Variants in GRIK4 observed in about 807,000 individuals in gnomAD.
The protein encoded by GRIK4 is glutamate ionotropic receptor kainate type subunit 4.
Under a neutral mutation model 104.9 loss-of-function variants are expected in GRIK4, and 40 were observed. The observed-to-expected ratio is 0.38, with a 90% CI of 0.30 to 0.50. The LOEUF (loss-of-function observed/expected upper bound fraction) is 0.50, where lower values mean the gene tolerates loss of function less well. Ranked by LOEUF, GRIK4 falls within the 20% of genes least tolerant of loss-of-function variation. The probability of loss-of-function intolerance (pLI) is 0.93; values close to 1 mark genes in which losing one functional copy is unlikely to be tolerated. For missense variants in GRIK4, 1,047 were observed against 1,308.1 expected (o/e 0.80, Z 3.08); for synonymous variants, 485 against 524.9 (o/e 0.92, Z 1.04).
chr11:120,853,295 A>G (rs1000595015), intron 8 of GRIK4, among the ~76,000 whole-genome samples: 11 of 152,198 alleles, frequency 7.2e-5, no homozygotes, highest in Non-Finnish European at 1.0e-4. Context: ...TGTATTCAGT[A>G]AAGGAGTATT....
intron 1 of GRIK4, among the ~76,000 whole-genome samples, chr11:120,531,185 G>A (rs1288115128): frequency 1.3e-5 from 2 of 152,154 alleles, no homozygotes; most frequent in African/African-American, 2.4e-5. Context: ...AAATGTGGGT[G>A]GATTTGCGAT....
chr11:120,564,704 G>A (rs1368997592), intron 1 of GRIK4: 1 of 152,290 alleles, frequency 6.6e-6, no homozygotes, highest in Non-Finnish European at 1.5e-5. Flanking sequence ...CACCCTAAAG[G>A]GCACGGCCGC....
At chr11:120,900,361 T>C (rs1352754455) in intron 12 of GRIK4, among the ~76,000 whole-genome samples, 1 of 152,144 alleles carries the variant, frequency 6.6e-6, no homozygotes, top group East Asian at 1.9e-4. Context: ...TGTGAGGAGA[T>C]GGGGTCACTG....
chr11:120,720,216 C>A (rs1331984741), intron 3 of GRIK4, among the ~76,000 whole-genome samples: 1 of 152,082 alleles, frequency 6.6e-6, no homozygotes, highest in Non-Finnish European at 1.5e-5. Context: ...TTGGCATGAC[C>A]ATTAGAACAA....
At chr11:120,899,746 C>T (rs1166477186) in intron 12 of GRIK4, among the ~76,000 whole-genome samples, 1 of 152,218 alleles carries the variant, frequency 6.6e-6, no homozygotes. Context: ...TTCCTCCCCT[C>T]CCCCTTTTAA....
chr11:120,717,739 T>C (rs1349731276), intron 3 of GRIK4, among the ~76,000 whole-genome samples: 6 of 152,122 alleles, frequency 3.9e-5, no homozygotes, highest in African/African-American at 1.2e-4. Context: ...GGGGAAAGCC[T>C]GCTGGGGGTG....
intron 4 of GRIK4, among the ~76,000 whole-genome samples, chr11:120,805,390 T>C (rs1952692376): frequency 6.6e-6 from 1 of 152,200 alleles, no homozygotes; most frequent in Admixed American, 6.5e-5. Flanking sequence ...GATGTAAATT[T>C]CCTCTTTTAG....
chr11:120,972,320 T>C (rs952451871), intron 19 of GRIK4, among the ~76,000 whole-genome samples: 1 of 152,222 alleles, frequency 6.6e-6, no homozygotes, highest in East Asian at 1.9e-4. Flanking sequence ...GCGGCATTCA[T>C]GGTCCCAGGG....
intron 3 of GRIK4, among the ~76,000 whole-genome samples, chr11:120,760,652 G>A (rs913822730): frequency 6.6e-6 from 1 of 151,804 alleles, no homozygotes; most frequent in African/African-American, 2.4e-5. Flanking sequence ...TGTGCCCAAC[G>A]TTCTCATTGT....
At chr11:120,740,262 G>A (rs765796071) in intron 3 of GRIK4, among the ~76,000 whole-genome samples, 3 of 152,210 alleles carry the variant, frequency 2.0e-5, no homozygotes, top group Non-Finnish European at 4.4e-5. Flanking sequence ...TTGTAGTTAG[G>A]CTGCTGGGAA....
chr11:120,655,608 A>G (rs957160611), intron 2 of GRIK4, among the ~76,000 whole-genome samples: 11 of 152,208 alleles, frequency 7.2e-5, no homozygotes, highest in Non-Finnish European at 1.0e-4. Flanking sequence ...TGGGGGCCCA[A>G]TGAAGATGGT....
At chr11:120,723,635 C>T (rs1179074743) in intron 3 of GRIK4, among the ~76,000 whole-genome samples, 1 of 152,112 alleles carries the variant, frequency 6.6e-6, no homozygotes, top group Non-Finnish European at 1.5e-5. Flanking sequence ...TTGATTTGCC[C>T]ACATGAAGTC....
chr11:120,839,588 G>T (rs1953664996), intron 8 of GRIK4, among the ~76,000 whole-genome samples: 1 of 152,168 alleles, frequency 6.6e-6, no homozygotes, highest in Non-Finnish European at 1.5e-5. Flanking sequence ...TGCTTATTTT[G>T]CTCCCCAGCC....
intron 1 of GRIK4, among the ~76,000 whole-genome samples, chr11:120,634,863 C>T (rs985421724): frequency 6.6e-6 from 1 of 152,168 alleles, no homozygotes; most frequent in Non-Finnish European, 1.5e-5. Context: ...TGTGACCTGC[C>T]TGCTACTTGA....
intron 1 of GRIK4, among the ~76,000 whole-genome samples, chr11:120,514,319 C>T (rs1347371075): frequency 2.0e-5 from 3 of 152,152 alleles, no homozygotes; most frequent in African/African-American, 7.2e-5. Context: ...TACTACAGCC[C>T]TGCAAGCATC....
intron 1 of GRIK4, among the ~76,000 whole-genome samples, chr11:120,623,770 G>A (rs1322584341): frequency 6.6e-6 from 1 of 152,120 alleles, no homozygotes; most frequent in Non-Finnish European, 1.5e-5. Context: ...TACCCTCAAA[G>A]GCAGGGTCAC....
chr11:120,700,840 C>T (rs1330847987), intron 3 of GRIK4, among the ~76,000 whole-genome samples: 5 of 152,186 alleles, frequency 3.3e-5, no homozygotes, highest in Non-Finnish European at 7.4e-5. Context: ...GATCCGTCCG[C>T]CTCAGCCTCC....
intron 8 of GRIK4, among the ~76,000 whole-genome samples, chr11:120,855,820 C>T (rs559684520): frequency 1.3e-5 from 2 of 152,364 alleles, no homozygotes; most frequent in East Asian, 3.9e-4. Flanking sequence ...GCCTTGGCCT[C>T]GCAAAATGCT....
At chr11:120,714,865 A>G (rs1950799502) in intron 3 of GRIK4, among the ~76,000 whole-genome samples, 1 of 152,176 alleles carries the variant, frequency 6.6e-6, no homozygotes, top group Non-Finnish European at 1.5e-5. Flanking sequence ...AGTCTTGTTA[A>G]GGAGGGTTCG....
Sources: gnomAD v4.1 joint callset for allele counts (sites outside exome capture counted in the v4.1 genomes callset) on GRCh38, gnomAD v4.1.1 for gene constraint, MANE v1.5 for transcripts, NCBI Gene and HGNC (gene_info 2026-07-23, HGNC 2026-07-21) for gene names.